The following SLIT2 variants were observed in gnomAD, a reference collection of about 807,000 sequenced individuals.
SLIT2 encodes slit homolog 2 protein.
SLIT2 carries 41 observed loss-of-function variants against 185.7 expected under a neutral mutation model. That is an observed-to-expected ratio of 0.22 (90% CI 0.17 to 0.29). The LOEUF (loss-of-function observed/expected upper bound fraction) is 0.29. Ranked by LOEUF, SLIT2 falls within the 10% of genes least tolerant of loss-of-function variation. SLIT2 has a pLI of 1.00. For synonymous variants in SLIT2, 693 were observed against 680.2 expected (o/e 1.02, Z -0.29); for missense variants, 1,571 against 1,909.0 (o/e 0.82, Z 3.30).
At chr4:20,476,782 T>C (rs1229489530) in intron 5 of SLIT2, among the ~76,000 whole-genome samples, 2 of 152,178 alleles carry the variant, frequency 1.3e-5, no homozygotes, top group East Asian at 1.9e-4. Flanking sequence ...TTTAAAAGAA[T>C]AAAGCAGGAA....
intron 5 of SLIT2, among the ~76,000 whole-genome samples, chr4:20,472,326 C>A (rs867707611): frequency 2.1e-4 from 9 of 43,288 alleles, no homozygotes; most frequent in Admixed American, 2.8e-4. Context: ...ATATATATAT[C>A]TATATATAGA....
chr4:20,387,955 A>G (rs1226765082), intron 4 of SLIT2, among the ~76,000 whole-genome samples: 1 of 152,052 alleles, frequency 6.6e-6, no homozygotes, highest in Non-Finnish European at 1.5e-5. Context: ...ATAATAATTT[A>G]TCATATTAAT....
intron 4 of SLIT2, among the ~76,000 whole-genome samples, chr4:20,403,456 A>C (rs1726516443): frequency 1.3e-5 from 2 of 151,868 alleles, no homozygotes; most frequent in South Asian, 4.2e-4. Context: ...TAGCATGATG[A>C]ACTAATTGAC....
intron 4 of SLIT2, among the ~76,000 whole-genome samples, chr4:20,343,946 G>A (rs888180027): frequency 1.3e-5 from 2 of 151,972 alleles, no homozygotes; most frequent in African/African-American, 4.8e-5. Flanking sequence ...CGCCTCCTGG[G>A]TTCAAGCAAT....
intron 4 of SLIT2, among the ~76,000 whole-genome samples, chr4:20,321,265 C>G (rs1719055016): frequency 6.6e-6 from 1 of 152,224 alleles, no homozygotes; most frequent in African/African-American, 2.4e-5. Context: ...ACACATCACT[C>G]AGTCATTGGA....
At chr4:20,418,499 A>G (rs1421283145) in intron 4 of SLIT2, among the ~76,000 whole-genome samples, 3 of 152,212 alleles carry the variant, frequency 2.0e-5, no homozygotes, top group Non-Finnish European at 2.9e-5. Flanking sequence ...AGGGCGGCCA[A>G]TAGATCTACT....
At chr4:20,258,868 A>G (rs1159958901) in intron 3 of SLIT2, among the ~76,000 whole-genome samples, 2 of 151,690 alleles carry the variant, frequency 1.3e-5, no homozygotes, top group African/African-American at 4.8e-5. Flanking sequence ...ATTTTTTTCA[A>G]AAAATAATAA....
chr4:20,496,030 G>T (rs1718195587), intron 9 of SLIT2, among the ~76,000 whole-genome samples: 1 of 151,848 alleles, frequency 6.6e-6, no homozygotes, highest in Non-Finnish European at 1.5e-5. Flanking sequence ...ATAAATTGTT[G>T]GTTGAGTTTC....
Position 20,616,934 on chromosome 4 carries a change from C to A in SLIT2, c.3872C>A (p.Ala1291Glu). Residue 1291 changes from alanine to glutamate, a missense_variant, in exon 35 of 37, where the codon GCA becomes GAA. Coordinates refer to ENST00000504154, the MANE Select transcript of SLIT2 (RefSeq NM_004787.4). ...GGCATGCCAGGGAAGAGTAACGTGG[C>A]ATCTCTGCGCCAGGCCCCTGGGCAG... ...VGGMPGKSNV[A>E]SLRQAPGQNG... 6.2e-7 allele frequency: 1 copy of A among 1,604,208 alleles called. No homozygotes were observed. The highest frequency in any genetic ancestry group is 8.5e-7 in the Non-Finnish European group (1 of 1,172,228).
chr4:20,277,732 T>TTTTCATC (rs1714309559), intron 4 of SLIT2, among the ~76,000 whole-genome samples: 1 of 147,514 alleles, frequency 6.8e-6, no homozygotes, highest in South Asian at 2.1e-4. Flanking sequence ...TGATGAAAGA[T>TTTTCATC]TTTCATCATG....
intron 4 of SLIT2, among the ~76,000 whole-genome samples, chr4:20,353,630 G>T (rs572592705): frequency 2.0e-5 from 3 of 152,108 alleles, no homozygotes; most frequent in Non-Finnish European, 4.4e-5. Context: ...AATTTTACTT[G>T]CACTTGGAGA....
intron 17 of SLIT2, 105 bp from the exon 18 acceptor site, chr4:20,533,466 GA>G (rs1721982697): frequency 1.2e-6 from 1 of 800,246 alleles, no homozygotes; most frequent in Admixed American, 2.4e-5. Context: ...GCTGGGCAGT[GA>G]AAAGTTGGAA....
At chr4:20,531,569 A>G (rs902233809) in intron 16 of SLIT2, among the ~76,000 whole-genome samples, 4 of 152,198 alleles carry the variant, frequency 2.6e-5, no homozygotes, top group African/African-American at 9.6e-5. Context: ...ACTGAATTGT[A>G]TGACTTTTAA....
chr4:20,588,197 T>C (rs954891981), intron 29 of SLIT2, among the ~76,000 whole-genome samples: 6 of 152,216 alleles, frequency 3.9e-5, no homozygotes, highest in South Asian at 2.1e-4. Flanking sequence ...AGAAAACTTA[T>C]AGAAGCAATA....
At chr4:20,567,016 T>C (rs549645707) in intron 26 of SLIT2, among the ~76,000 whole-genome samples, 1 of 152,050 alleles carries the variant, frequency 6.6e-6, no homozygotes, top group South Asian at 2.1e-4. Context: ...TAACATCAGA[T>C]ACCAACTCAG....
At chr4:20,421,768 G>A (rs1255361894) in intron 4 of SLIT2, among the ~76,000 whole-genome samples, 1 of 152,164 alleles carries the variant, frequency 6.6e-6, no homozygotes, top group Non-Finnish European at 1.5e-5. Context: ...CAGCTCTGAT[G>A]TCAAGAGGCT....
intron 26 of SLIT2, among the ~76,000 whole-genome samples, chr4:20,556,027 T>C (rs1724223328): frequency 6.6e-6 from 1 of 152,116 alleles, no homozygotes; most frequent in Admixed American, 6.5e-5. Flanking sequence ...TTAATATTAG[T>C]GCATCACTGA....
intron 9 of SLIT2, among the ~76,000 whole-genome samples, chr4:20,501,296 G>A (rs531808223): frequency 2.6e-5 from 4 of 151,862 alleles, no homozygotes; most frequent in African/African-American, 7.2e-5. Context: ...ATTTTTTTTG[G>A]GGGGAGGAGG....
At chr4:20,378,769 A>G (rs1470269196) in intron 4 of SLIT2, among the ~76,000 whole-genome samples, 1 of 152,174 alleles carries the variant, frequency 6.6e-6, no homozygotes, top group African/African-American at 2.4e-5. Flanking sequence ...AACTCATACT[A>G]CATGATCACC....
Sources: allele counts gnomAD v4.1 joint callset (sites outside exome capture counted in the v4.1 genomes callset), GRCh38; gene constraint gnomAD v4.1.1; transcripts MANE v1.5; gene names NCBI Gene and HGNC (gene_info 2026-07-23, HGNC 2026-07-21).